AUTS2: variants seen among roughly 807,000 people sequenced by gnomAD.
AUTS2 encodes activator of transcription and developmental regulator AUTS2.
In AUTS2, 17 loss-of-function variants were observed where a neutral mutation model predicts 112.4. The observed-to-expected ratio is 0.15, with a 90% CI of 0.10 to 0.23. The LOEUF is 0.23. Among genes scored for constraint, AUTS2 ranks in the 10% least tolerant of loss-of-function variants. The pLI is 1.00. For synonymous variants in AUTS2, 751 were observed against 702.7 expected (o/e 1.07, Z -1.09); for missense variants, 1,510 against 1,701.6 (o/e 0.89, Z 1.98).
chr7:70,139,235 A>G (rs1032210917), intron 4 of AUTS2, among the ~76,000 whole-genome samples: 4 of 152,116 alleles, frequency 2.6e-5, no homozygotes, highest in African/African-American at 9.7e-5. Flanking sequence ...CCAAAGTGCT[A>G]AGATTACAGG....
Position 69,873,096 on chromosome 7 carries a change from G to A in AUTS2, c.310-26190G>A, listed in dbSNP as rs187667642. Reference sequence around the variant, plus strand: ...GACCTCAGCTGATCCGCCCGCCTCAGCCTCCCAGAGATATAGTCTATATTC... The same window carrying A: ...GACCTCAGCTGATCCGCCCGCCTCAACCTCCCAGAGATATAGTCTATATTC... On this transcript the variant is annotated intron_variant, in intron 1 of 18. Transcript: ENST00000342771. Among the ~76,000 whole-genome samples the A allele has an allele frequency of 6.8e-3, 1,032 of 152,038 alleles. 9 individuals are homozygous for A. Among genetic ancestry groups the A allele is most frequent in the Non-Finnish European group, 9.6e-3 (650 of 67,976 alleles).
intron 2 of AUTS2, among the ~76,000 whole-genome samples, chr7:70,041,088 G>A (rs1329700172): frequency 1.3e-5 from 2 of 152,132 alleles, no homozygotes; most frequent in Admixed American, 1.3e-4. Flanking sequence ...TACAAGGAGT[G>A]AAATAATATA....
chr7:70,477,241 A>G (rs1004750880), intron 5 of AUTS2, among the ~76,000 whole-genome samples: 7 of 152,210 alleles, frequency 4.6e-5, no homozygotes, highest in Non-Finnish European at 5.9e-5. Context: ...TCAGTTGCCA[A>G]CAGTGGGATC....
intron 1 of AUTS2, among the ~76,000 whole-genome samples, chr7:69,891,449 C>T (rs1328586736): frequency 6.6e-6 from 1 of 152,094 alleles, no homozygotes; most frequent in East Asian, 1.9e-4. Flanking sequence ...TCATGTGTAG[C>T]TCTTCATGTA....
intron 4 of AUTS2, among the ~76,000 whole-genome samples, chr7:70,265,298 G>A (rs758395712): frequency 3.3e-5 from 5 of 152,148 alleles, no homozygotes; most frequent in Non-Finnish European, 7.3e-5. Flanking sequence ...TGTCCCCGTT[G>A]TAAATCCTTT....
chr7:70,771,384 C>G (rs575341408), intron 10 of AUTS2, 165 bp from the exon 11 acceptor site: 10 of 494,548 alleles, frequency 2.0e-5, no homozygotes, highest in Non-Finnish European at 3.6e-5. Context: ...GTTACACATT[C>G]GTGGCACGTC....
chr7:69,829,079 A>G (rs895747224), intron 1 of AUTS2, among the ~76,000 whole-genome samples: 5 of 152,334 alleles, frequency 3.3e-5, no homozygotes, highest in African/African-American at 4.8e-5. Flanking sequence ...GACCTCAGAA[A>G]TAGGACCACA....
At chr7:70,610,812 C>A (rs926005231) in intron 5 of AUTS2, among the ~76,000 whole-genome samples, 1 of 152,090 alleles carries the variant, frequency 6.6e-6, no homozygotes, top group African/African-American at 2.4e-5. Flanking sequence ...CTATTCAGGT[C>A]ATTTGTCCAT....
rs558289908 is a variant in AUTS2 at position 70,445,751 on chromosome 7, A to T, written c.690+9970A>T. ...TCAGTCTTCCTTTAAGTGTCTGTAT[A>T]TGTGTAAACATTTAATATTTTATTA... On this transcript the variant is annotated intron_variant, in intron 5 of 18. Transcript: ENST00000342771. Among the ~76,000 whole-genome samples, 49 of 152,338 alleles carry T rather than the reference A, an allele frequency of 3.2e-4. 1 individual carries two copies. Among genetic ancestry groups the T allele is most frequent in the African/African-American group, 1.2e-3 (48 of 41,572 alleles).
rs535693787 is a variant in AUTS2, at chr7:70,034,129, C to G, written c.523-84003C>G. ...AAGAAAATTTTTAAAAGATGGAAGA[C>G]AAAAGTAAAAGATAAATGTAGATAT... On this transcript the variant is annotated intron_variant, in intron 2 of 18. Transcript: ENST00000342771. Among the ~76,000 whole-genome samples the G allele has an allele frequency of 1.3e-3, 203 of 152,158 alleles. 1 individual carries two copies. Among genetic ancestry groups the G allele is most frequent in the Non-Finnish European group, 1.5e-3 (105 of 67,996 alleles).
intron 1 of AUTS2, among the ~76,000 whole-genome samples, chr7:69,706,458 G>A (rs558226454): frequency 1.4e-4 from 22 of 152,322 alleles, no homozygotes; most frequent in African/African-American, 4.8e-4. Flanking sequence ...GTAGCTCAGA[G>A]ACTTGCTGAG....
chr7:69,889,638 T>A (rs547803809), intron 1 of AUTS2, among the ~76,000 whole-genome samples: 178 of 152,324 alleles, frequency 1.2e-3, no homozygotes, highest in Admixed American at 3.3e-3. Flanking sequence ...TAGTCAGATT[T>A]TTTTTAAAAA....
chr7:70,188,418 T>C lies in AUTS2; in HGVS notation c.660+53847T>C, dbSNP rs77974298. Among the ~76,000 whole-genome samples, 1,048 of 152,262 alleles carry C rather than the reference T, an allele frequency of 6.9e-3. 16 individuals are homozygous for C. The highest frequency in any genetic ancestry group is 0.024 in the African/African-American group (1,012 of 41,546). On this transcript the variant is annotated intron_variant, in intron 4 of 18. Transcript: ENST00000342771. ...AGAATGGCTAAAAGTGAGTGAGATT[T>C]TCTCTCGTGTGTGAATAATTGTAGG...
intron 1 of AUTS2, among the ~76,000 whole-genome samples, chr7:69,840,776 C>T (rs1370068985): frequency 6.6e-6 from 1 of 152,140 alleles, no homozygotes; most frequent in Non-Finnish European, 1.5e-5. Context: ...AACAAACACC[C>T]TGTCTTTACT....
intron 2 of AUTS2, among the ~76,000 whole-genome samples, chr7:69,976,128 GA>G (rs1798050542): frequency 6.6e-6 from 1 of 152,180 alleles, no homozygotes; most frequent in Non-Finnish European, 1.5e-5. Context: ...TTGCAAATCT[GA>G]AACTCTTTAC....
At chr7:70,301,636 A>G (rs1181140464) in intron 4 of AUTS2, among the ~76,000 whole-genome samples, 2 of 152,316 alleles carry the variant, frequency 1.3e-5, no homozygotes, top group Non-Finnish European at 2.9e-5. Context: ...GATAACAAAT[A>G]ACTTTCCAGT....
At chr7:69,899,086 GATAT>G (rs932018306) in intron 1 of AUTS2, among the ~76,000 whole-genome samples, 196 bp from the exon 2 acceptor site, 1 of 152,072 alleles carries the variant, frequency 6.6e-6, no homozygotes, top group Non-Finnish European at 1.5e-5. Context: ...TAATAGAAAG[GATAT>G]ATATATTTGT....
chr7:70,253,964 C>A (rs1786728804), intron 4 of AUTS2, among the ~76,000 whole-genome samples: 1 of 151,984 alleles, frequency 6.6e-6, no homozygotes, highest in South Asian at 2.1e-4. Context: ...AGACTTGAAG[C>A]CAAAGCTGAA....
chr7:70,616,301 G>A (rs1433287383), intron 5 of AUTS2, among the ~76,000 whole-genome samples: 1 of 152,212 alleles, frequency 6.6e-6, no homozygotes, highest in Non-Finnish European at 1.5e-5. Context: ...CCAGCCCCAT[G>A]TGGCAGGTGA....
Sources: gnomAD v4.1 joint callset for allele counts (sites outside exome capture counted in the v4.1 genomes callset) on GRCh38, gnomAD v4.1.1 for gene constraint, MANE v1.5 for transcripts, NCBI Gene and HGNC (gene_info 2026-07-23, HGNC 2026-07-21) for gene names.